Variants in PCDH9 observed in about 807,000 individuals in gnomAD.
PCDH9 encodes protocadherin 9.
A neutral mutation model predicts 70.6 loss-of-function variants in PCDH9; 24 were observed. The ratio of observed to expected loss-of-function variants is 0.34; its 90% CI spans 0.25 to 0.48. The LOEUF (loss-of-function observed/expected upper bound fraction) is 0.48, where lower values mean the gene tolerates loss of function less well. Among genes scored for constraint, PCDH9 ranks in the 20% least tolerant of loss-of-function variants. The pLI is 0.99. For synonymous variants in PCDH9, 562 were observed against 558.5 expected, an observed-to-expected ratio of 1.01 and a Z score of -0.09; for missense variants, 1,281 against 1,503.6, an observed-to-expected ratio of 0.85 and a Z score of 2.45.
chr13:66,598,473 T>G (rs2077128806), intron 4 of PCDH9, among the ~76,000 whole-genome samples: 1 of 151,818 alleles, frequency 6.6e-6, no homozygotes, highest in South Asian at 2.1e-4. Context: ...TTTAACTAAA[T>G]GAAGTATTTG....
intron 3 of PCDH9, among the ~76,000 whole-genome samples, chr13:66,663,659 G>T (rs547854107): frequency 1.3e-5 from 2 of 152,196 alleles, no homozygotes; most frequent in Non-Finnish European, 1.5e-5. Flanking sequence ...TGAACCAGAC[G>T]CATGGAGAGA....
chr13:66,995,660 T>C (rs2139808290), intron 2 of PCDH9, among the ~76,000 whole-genome samples: 1 of 152,336 alleles, frequency 6.6e-6, no homozygotes, highest in South Asian at 2.1e-4. Flanking sequence ...AGAACATCTG[T>C]TATAGTGTGT....
rs1198664292 is a variant in PCDH9 at position 67,226,347 on chromosome 13, T to G, written c.2094A>C (p.Ala698=). 4 of 1,614,208 alleles carry G rather than the reference T, an allele frequency of 2.5e-6. No homozygotes were observed. The Admixed American group carries it at 6.7e-5, about 27-fold the overall frequency. Residue 698 remains alanine, a synonymous_variant, in exon 2 of 5, where the codon GCA becomes GCC. Coordinates refer to ENST00000377865, the MANE Select transcript of PCDH9 (RefSeq NM_203487.3). This position sits in a 1 kb window ranked among gnomAD's most constrained non-coding sequence, Gnocchi z 5.0. ...PLSAIPGSVV[A]EVFAVDVDTG... The stretch of plus-strand genomic sequence containing the variant: ...TGTCAACATCCACTGCAAAAACTTC[T>G]GCTACCACGGAGCCAGGAATGGCTG...
intron 2 of PCDH9, among the ~76,000 whole-genome samples, chr13:67,027,076 T>A (rs1388657762): frequency 6.6e-6 from 1 of 151,966 alleles, no homozygotes; most frequent in African/African-American, 2.4e-5. Flanking sequence ...TTAAAGTTCA[T>A]ATGGAACCAA....
intron 2 of PCDH9, among the ~76,000 whole-genome samples, chr13:66,988,374 T>C (rs1056677575): frequency 2.0e-5 from 3 of 152,036 alleles, no homozygotes; most frequent in South Asian, 2.1e-4. Context: ...CTTCCTTTTC[T>C]ACTCTCAGAA....
intron 2 of PCDH9, among the ~76,000 whole-genome samples, chr13:67,016,873 C>T (rs758982546): frequency 2.0e-5 from 3 of 152,114 alleles, no homozygotes; most frequent in Non-Finnish European, 4.4e-5. Context: ...GTGTGCTTAT[C>T]ACACTGCAGT....
At chr13:66,417,775 CAT>C (rs1957487587) in intron 4 of PCDH9, among the ~76,000 whole-genome samples, 1 of 152,160 alleles carries the variant, frequency 6.6e-6, no homozygotes, top group Admixed American at 6.5e-5. Flanking sequence ...AGCTTTTTTA[CAT>C]ATGTTTGTTG....
chr13:66,588,908 T>C (rs909527989), intron 4 of PCDH9, among the ~76,000 whole-genome samples: 5 of 151,986 alleles, frequency 3.3e-5, no homozygotes, highest in African/African-American at 1.2e-4. Context: ...AATTTCATTT[T>C]TTTACAAAAA....
At position 67,086,063 on chromosome 13, in the gene PCDH9, C is replaced by G. The variant is rs1419301162; in HGVS notation, c.3036+139342G>C. On this transcript the variant is annotated intron_variant, in intron 2 of 4. Transcript: ENST00000377865. The stretch of plus-strand genomic sequence containing the variant: ...ATGCTCTATTGAGGCAAATTCTATA[C>G]AAGCATAACTATGGGTGAAAACAAA... Among the ~76,000 whole-genome samples, 3 of 152,092 alleles carry G rather than the reference C, an allele frequency of 2.0e-5. No individual in the cohort carries two copies. The East Asian group carries it at 5.8e-4, about 29-fold the overall frequency.
Position 67,227,610 on chromosome 13 carries a change from A to G in PCDH9, c.831T>C (p.Thr277=). The change falls in exon 2 of 5, where the codon ACT becomes ACC. Residue 277 remains threonine (T), a synonymous_variant. Transcript: ENST00000377865. The surrounding 1 kb of genome is among the most constrained non-coding windows in gnomAD (Gnocchi z 4.6). Reference sequence around the variant, plus strand: ...CAGCATTACTGCCTATATCTGCATCAGTGGCATGGAGCTGAATTACAGAGG... The same window carrying G: ...CAGCATTACTGCCTATATCTGCATCGGTGGCATGGAGCTGAATTACAGAGG... ...VGTSVIQLHA[T]DADIGSNAEI... is the part of the protein sequence containing the mutation. 2 of 1,614,054 alleles carry G rather than the reference A, an allele frequency of 1.2e-6. No homozygotes were observed. The highest frequency in any genetic ancestry group is 8.5e-7 in the Non-Finnish European group (1 of 1,179,910).
intron 4 of PCDH9, among the ~76,000 whole-genome samples, chr13:66,411,498 G>T (rs1034377240): frequency 6.6e-6 from 1 of 152,012 alleles, no homozygotes; most frequent in African/African-American, 2.4e-5. Flanking sequence ...ATATTTCCCA[G>T]CCTGGTCTTA....
intron 4 of PCDH9, among the ~76,000 whole-genome samples, chr13:66,471,046 T>C (rs1302160128): frequency 6.6e-6 from 1 of 151,814 alleles, no homozygotes; most frequent in Non-Finnish European, 1.5e-5. Context: ...ACAGTACTTC[T>C]ACTGAGCACC....
At position 67,105,674 on chromosome 13, in the gene PCDH9, A is replaced by G. The variant is rs189976787; in HGVS notation, c.3036+119731T>C. Among the ~76,000 whole-genome samples, 25 of 152,076 alleles carry G rather than the reference A, an allele frequency of 1.6e-4. No homozygotes were observed. The East Asian group carries it at 4.3e-3, about 26-fold the overall frequency. ...TTTTTTGTTTCTTTTTTTAAAAGTA[A>G]GCTGCTTTTCACTTTCTCTTTGGCA... On this transcript the variant is annotated intron_variant, in intron 2 of 4. Coordinates refer to ENST00000377865, the MANE Select transcript of PCDH9 (RefSeq NM_203487.3).
chr13:67,199,762 C>A (rs1310597474), intron 2 of PCDH9, among the ~76,000 whole-genome samples: 1 of 152,078 alleles, frequency 6.6e-6, no homozygotes, highest in Non-Finnish European at 1.5e-5. Flanking sequence ...AAGATACCAA[C>A]AAGCCGCTTG....
At chr13:66,612,925 C>T (rs1275928645) in intron 4 of PCDH9, among the ~76,000 whole-genome samples, 1 of 152,124 alleles carries the variant, frequency 6.6e-6, no homozygotes, top group East Asian at 1.9e-4. Flanking sequence ...AGTACCCCAT[C>T]TTTAGTTGAA....
chr13:66,869,613 C>T (rs562774148), intron 3 of PCDH9, among the ~76,000 whole-genome samples: 196 of 152,146 alleles, frequency 1.3e-3, no homozygotes, highest in African/African-American at 4.5e-3. Context: ...AATATTGATG[C>T]AAAAATCTGA....
At chr13:66,905,952 T>C (rs2082353500) in intron 2 of PCDH9, among the ~76,000 whole-genome samples, 1 of 152,230 alleles carries the variant, frequency 6.6e-6, no homozygotes, top group African/African-American at 2.4e-5. Flanking sequence ...CATCTATAAC[T>C]CATTCATTCA....
chr13:66,669,211 A>C (rs1373417986), intron 3 of PCDH9, among the ~76,000 whole-genome samples: 1 of 152,162 alleles, frequency 6.6e-6, no homozygotes, highest in East Asian at 1.9e-4. Flanking sequence ...AAGAATAAAA[A>C]CGTAAAGCTA....
In PCDH9 at chr13:66,744,286, G is replaced by A. The variant is rs1048297471; in HGVS notation, c.3139-112875C>T. 1.4e-4 allele frequency among the ~76,000 whole-genome samples: 22 copies of A among 152,086 alleles called. 2 individuals are homozygous for A. The highest frequency in any genetic ancestry group is 1.2e-3 in the Admixed American group (19 of 15,264). On this transcript the variant is annotated intron_variant, in intron 3 of 4. Transcript: ENST00000377865. ...GACCAGATGAAGATTAAATAAGCCCGACAGAACCAAAATATTTATTTATGA... is the reference window on the plus strand; with the variant it reads ...GACCAGATGAAGATTAAATAAGCCCAACAGAACCAAAATATTTATTTATGA...
Sources: allele counts gnomAD v4.1 joint callset (sites outside exome capture counted in the v4.1 genomes callset), GRCh38; gene constraint gnomAD v4.1.1; non-coding constraint Gnocchi (gnomAD v3.1); transcripts MANE v1.5; gene names NCBI Gene and HGNC (gene_info 2026-07-23, HGNC 2026-07-21).